Variants in ASIC2 observed in about 807,000 individuals in gnomAD.
ASIC2 encodes the protein acid-sensing ion channel 2.
A neutral mutation model predicts 57.3 loss-of-function variants in ASIC2; 25 were observed. The observed-to-expected ratio is 0.44, with a 90% CI of 0.32 to 0.61. The LOEUF (loss-of-function observed/expected upper bound fraction) is 0.61. Among genes scored for constraint, ASIC2 ranks in the 20% least tolerant of loss-of-function variants. The probability of loss-of-function intolerance (pLI) is 0.06; values close to 1 mark genes in which losing one functional copy is unlikely to be tolerated. For synonymous variants in ASIC2, 319 were observed against 307.5 expected, an observed-to-expected ratio of 1.04 and a Z score of -0.39; for missense variants, 641 against 738.1, an observed-to-expected ratio of 0.87 and a Z score of 1.52.
At chr17:33,016,139 G>T (rs2091804613) in intron 8 of ASIC2, 100 bp from the exon 9 acceptor site, 1 of 1,140,322 alleles carries the variant, frequency 8.8e-7, no homozygotes, top group Non-Finnish European at 1.3e-6. Flanking sequence ...CAGCTGCTTG[G>T]GCTGTGGCTG....
chr17:33,929,613 C>T (rs1915890056), intron 1 of ASIC2, among the ~76,000 whole-genome samples: 1 of 152,218 alleles, frequency 6.6e-6, no homozygotes, highest in African/African-American at 2.4e-5. Flanking sequence ...CCAGTATTCT[C>T]TTCTGACAGC....
At chr17:33,184,706 T>C (rs1906119862) in intron 1 of ASIC2, among the ~76,000 whole-genome samples, 1 of 152,186 alleles carries the variant, frequency 6.6e-6, no homozygotes, top group Non-Finnish European at 1.5e-5. Flanking sequence ...TCCCGTTGGA[T>C]ACCTGCCTTT....
chr17:33,513,207 T>C (rs1914477331), intron 1 of ASIC2, among the ~76,000 whole-genome samples: 1 of 152,212 alleles, frequency 6.6e-6, no homozygotes, highest in African/African-American at 2.4e-5. Flanking sequence ...ATTGCACTAA[T>C]TTTAGCTTTT....
chr17:33,438,848 CTTTT>C (rs55935165), intron 1 of ASIC2, among the ~76,000 whole-genome samples: 16 of 130,392 alleles, frequency 1.2e-4, no homozygotes, highest in Admixed American at 2.3e-4. Flanking sequence ...GCAGGGGAAC[CTTTT>C]TTTTTTTTTT....
At chr17:33,883,612 C>T (rs934108540) in intron 1 of ASIC2, among the ~76,000 whole-genome samples, 1 of 152,178 alleles carries the variant, frequency 6.6e-6, no homozygotes, top group African/African-American at 2.4e-5. Context: ...CTCTTCTCAG[C>T]CCCAGATGCA....
intron 1 of ASIC2, chr17:33,624,165 C>T (rs540976961): frequency 1.2e-4 from 19 of 152,066 alleles, no homozygotes; most frequent in Admixed American, 1.2e-3. Context: ...AATATTTTTT[C>T]GAAAACATCC....
chr17:33,295,967 T>A (rs1905703913), upstream of ASIC2, among the ~76,000 whole-genome samples: 1 of 152,080 alleles, frequency 6.6e-6, no homozygotes, highest in Non-Finnish European at 1.5e-5. Flanking sequence ...TACAGGAGTG[T>A]GCTACCATGC....
intron 1 of ASIC2, among the ~76,000 whole-genome samples, chr17:33,259,367 TA>T (rs1254270458): frequency 6.6e-6 from 1 of 152,172 alleles, no homozygotes; most frequent in East Asian, 1.9e-4. Flanking sequence ...CCCTGTAATT[TA>T]TAACAGAATC....
At chr17:33,430,650 A>T (rs536481606) in intron 1 of ASIC2, among the ~76,000 whole-genome samples, 3 of 152,232 alleles carry the variant, frequency 2.0e-5, no homozygotes, top group Non-Finnish European at 1.5e-5. Context: ...CTCAGTTCCA[A>T]CCTGCAGCTG....
intron 1 of ASIC2, among the ~76,000 whole-genome samples, chr17:33,807,718 G>T (rs1288249240): frequency 6.6e-6 from 1 of 152,054 alleles, no homozygotes; most frequent in Non-Finnish European, 1.5e-5. Context: ...TTTTAAACCT[G>T]CAAATCCAAT....
intron 3 of ASIC2, among the ~76,000 whole-genome samples, chr17:33,068,516 C>A (rs952814232): frequency 2.3e-5 from 3 of 129,186 alleles, no homozygotes; most frequent in Non-Finnish European, 5.1e-5. Context: ...GCAACAAGAG[C>A]GAAACTCCAT....
chr17:33,914,165 A>G (rs530623875), intron 1 of ASIC2, among the ~76,000 whole-genome samples: 4 of 152,332 alleles, frequency 2.6e-5, no homozygotes, highest in South Asian at 2.1e-4. Context: ...CCATCTCACA[A>G]GATGATGCTG....
chr17:33,030,095 T>A (rs2091876393), intron 3 of ASIC2, among the ~76,000 whole-genome samples: 1 of 152,236 alleles, frequency 6.6e-6, no homozygotes, highest in Admixed American at 6.5e-5. Context: ...TTTCATTTTC[T>A]TAATGGTATC....
intron 1 of ASIC2, among the ~76,000 whole-genome samples, chr17:33,746,439 TA>T (rs1910268829): frequency 6.2e-5 from 3 of 48,738 alleles, no homozygotes; most frequent in Non-Finnish European, 1.7e-4. Context: ...TGAATATGTA[TA>T]TATGTGTATA....
chr17:33,550,684 A>G (rs1374883130), intron 1 of ASIC2, among the ~76,000 whole-genome samples: 1 of 152,232 alleles, frequency 6.6e-6, no homozygotes, highest in African/African-American at 2.4e-5. Flanking sequence ...TGGAGAGAAT[A>G]TTAGCAAGAG....
intron 1 of ASIC2, among the ~76,000 whole-genome samples, chr17:33,437,496 A>C (rs908145005): frequency 4.6e-5 from 7 of 152,150 alleles, no homozygotes; most frequent in Admixed American, 3.3e-4. Context: ...GGCCACCTTG[A>C]TCAATAACAC....
intron 1 of ASIC2, among the ~76,000 whole-genome samples, chr17:33,691,651 T>C (rs1364190847): frequency 2.0e-5 from 3 of 152,188 alleles, no homozygotes. Context: ...GATTTTTTTT[T>C]CTGATTTTAA....
intron 9 of ASIC2, among the ~76,000 whole-genome samples, chr17:33,014,858 G>C (rs147337650): frequency 6.6e-6 from 1 of 152,216 alleles, no homozygotes; most frequent in Non-Finnish European, 1.5e-5. Flanking sequence ...ACTAGGTGCT[G>C]TGCTGACTGC....
chr17:33,965,447 A>G (rs1358528325), intron 1 of ASIC2, among the ~76,000 whole-genome samples: 1 of 152,212 alleles, frequency 6.6e-6, no homozygotes, highest in Non-Finnish European at 1.5e-5. Flanking sequence ...TAATTGTAAT[A>G]TAAAGCCAAG....
Sources: allele counts gnomAD v4.1 joint callset (sites outside exome capture counted in the v4.1 genomes callset), GRCh38; gene constraint gnomAD v4.1.1; transcripts MANE v1.5; gene names NCBI Gene and HGNC (gene_info 2026-07-23, HGNC 2026-07-21).